The following ZNF454 variants were observed in gnomAD, a reference collection of about 807,000 sequenced individuals.
ZNF454 encodes the protein zinc finger protein 454.
ZNF454 carries 30 observed loss-of-function variants against 48.2 expected under a neutral mutation model. That is an observed-to-expected ratio of 0.62 (90% confidence interval 0.47 to 0.84). The LOEUF is 0.84. Among genes scored for constraint, ZNF454 ranks in the 40% least tolerant of loss-of-function variants. ZNF454 has a pLI of 0.00. For missense variants in ZNF454, 510 were observed against 623.1 expected, an observed-to-expected ratio of 0.82 and a Z score of 1.93; for synonymous variants, 204 against 211.4, an observed-to-expected ratio of 0.97 and a Z score of 0.30.
intron 4 of ZNF454, among the ~76,000 whole-genome samples, chr5:178,948,679 A>C (rs866747361): frequency 2.0e-5 from 3 of 152,170 alleles, no homozygotes; most frequent in Non-Finnish European, 4.4e-5. Context: ...TGGTTTGGGA[A>C]GGGTGATTAG....
rs1403790865 is a variant in ZNF454, at chr5:178,942,960, C to T, written c.33+136C>T. The T allele has an allele frequency of 1.6e-5, 14 of 896,376 alleles. No individual in the cohort carries two copies. The African/African-American group carries it at 2.0e-4, about 13-fold the overall frequency. The allele number at this position is 896,376 out of a possible 1,614,324, so 55.5% of individuals were successfully genotyped here. ...ACCTCAGTTGCCTCTCCCCAACCAA[C>T]ACCCTCCAACCCCGCCCCATATCCG... On this transcript the variant is annotated intron_variant, in intron 2 of 4. Coordinates refer to ENST00000519564, the MANE Select transcript of ZNF454 (RefSeq NM_001178089.3).
the ZNF454 span, chr5:178,981,915 A>T: frequency 2.0e-6 from 2 of 1,001,394 alleles, no homozygotes; most frequent in East Asian, 2.4e-5. This position sits in a 1 kb window ranked among gnomAD's most constrained non-coding sequence, Gnocchi z 5.1. Flanking sequence ...CCCGCTCCAC[A>T]CAGTCCTCAC....
Position 178,965,493 on chromosome 5 carries a change from G to T in ZNF454, c.1089G>T (p.Lys363Asn). 1 of 1,613,586 alleles carries T rather than the reference G, an allele frequency of 6.2e-7. No individual in the cohort carries two copies. The highest frequency in any genetic ancestry group is 1.1e-5 in the South Asian group (1 of 91,040). ...EKPFECNECG[K>N]AFRVNSSLTE... ...CCTTTGAATGTAATGAATGTGGGAA[G>T]GCCTTCAGGGTGAACTCTTCCCTTA... Residue 363 changes from lysine to asparagine, a missense_variant, in exon 5 of 5, where the codon AAG becomes AAT. Around this residue, in one of 3 missense-constraint regions of ZNF454, gnomAD observed 153 missense variants for 195.8 expected, o/e 0.78. Transcript: ENST00000519564. The surrounding 1 kb of genome is among the most constrained non-coding windows in gnomAD (Gnocchi z 5.2).
chr5:178,984,219 C>A, the ZNF454 span, among the ~76,000 whole-genome samples: 1 of 152,154 alleles, frequency 6.6e-6, no homozygotes, highest in Non-Finnish European at 1.5e-5. Context: ...AAATGCAAGC[C>A]CAGGGCTGCA....
chr5:178,963,597 T>G (rs905489367), intron 4 of ZNF454, among the ~76,000 whole-genome samples: 7 of 151,696 alleles, frequency 4.6e-5, no homozygotes, highest in Admixed American at 4.0e-4. Context: ...CCCTTAGTTT[T>G]ACATTTTAGG....
chr5:178,982,886 G>A, the ZNF454 span: 8 of 1,568,212 alleles, frequency 5.1e-6, no homozygotes, highest in African/African-American at 4.0e-5. Flanking sequence ...AACAGGCAGC[G>A]AGACCTCCTG....
rs1327676244 is a variant in ZNF454, at chr5:178,941,306, C to T, written c.-246C>T. ...GAAGAGCGACACGGGGCTGACCAGGCACGGTGGTCAAAGCCGCAGAGGGAG... is the reference window on the plus strand; with the variant it reads ...GAAGAGCGACACGGGGCTGACCAGGTACGGTGGTCAAAGCCGCAGAGGGAG... On this transcript the variant is annotated 5_prime_UTR_variant, in exon 1 of 5. Transcript: ENST00000519564. This position sits in a 1 kb window ranked among gnomAD's most constrained non-coding sequence, Gnocchi z 5.5. The T allele has an allele frequency of 4.5e-6, 2 of 444,346 alleles. No homozygotes were observed. Among genetic ancestry groups the T allele is most frequent in the African/African-American group, 4.0e-5 (2 of 49,982 alleles). The allele number at this position is 444,346 out of a possible 1,614,324, so 27.5% of individuals were successfully genotyped here.
Position 178,949,213 on chromosome 5 carries a change from G to A in ZNF454, c.250+2227G>A, listed in dbSNP as rs75496207. On this transcript the variant is annotated intron_variant, in intron 4 of 4. Transcript: ENST00000519564. ...TTACAGGCGCCTGCCACCTCGCGCA[G>A]CTAATTTTTTGTAGTTTTACTAGAG... Among the ~76,000 whole-genome samples, 384 of 152,088 alleles carry A rather than the reference G, an allele frequency of 2.5e-3. 1 individual carries two copies. The highest frequency in any genetic ancestry group is 8.4e-3 in the African/African-American group (350 of 41,476).
At chr5:178,984,021 C>T in the ZNF454 span, among the ~76,000 whole-genome samples, 1 of 152,204 alleles carries the variant, frequency 6.6e-6, no homozygotes, top group East Asian at 1.9e-4. Context: ...GCTTTGCAGT[C>T]ATCTGCCCAC....
chr5:178,986,015 G>A, the ZNF454 span: 1 of 951,908 alleles, frequency 1.1e-6, no homozygotes, highest in Non-Finnish European at 1.6e-6. Flanking sequence ...ACCCACCTCA[G>A]CCTCCAAAGG....
At chr5:178,968,952 C>G (rs930385493), downstream of ZNF454, 3 of 440,968 alleles carry the variant, frequency 6.8e-6, no homozygotes, top group Non-Finnish European at 1.4e-5. Context: ...ACAGTGCACT[C>G]TCCCTGAGTT....
intron 4 of ZNF454, among the ~76,000 whole-genome samples, chr5:178,960,166 G>T (rs933859103): frequency 1.5e-4 from 22 of 151,072 alleles, no homozygotes; most frequent in African/African-American, 5.3e-4. Flanking sequence ...GCCCAGTCAG[G>T]TCTTGGACTC....
At chr5:178,983,607 G>A in the ZNF454 span, 14 of 397,056 alleles carry the variant, frequency 3.5e-5, no homozygotes, top group Admixed American at 3.0e-4. Context: ...TGGAACTGAG[G>A]CCCTACTCGC....
chr5:178,986,615 G>A, the ZNF454 span: 431 of 1,603,628 alleles, frequency 2.7e-4, no homozygotes, highest in Middle Eastern at 1.3e-3. Context: ...ACCTGGAAGC[G>A]GTACCCGTCA....
Position 178,965,953 on chromosome 5 carries a change from C to T in ZNF454, c.1549C>T (p.His517Tyr). The change falls in exon 5 of 5, where the codon CAT becomes TAT. Residue 517 changes from histidine to tyrosine, a missense_variant. Physicochemically the swap from His to Tyr is moderately conservative, Grantham distance 83. Around this residue, in one of 3 missense-constraint regions of ZNF454, gnomAD observed 153 missense variants for 195.8 expected, o/e 0.78. Transcript: ENST00000519564. This position sits in a 1 kb window ranked among gnomAD's most constrained non-coding sequence, Gnocchi z 5.2. ...QTANLIQHQRHHIGEK is the reference protein window; with the variant it reads ...QTANLIQHQRYHIGEK ...TGCAAACCTCATTCAGCATCAGAGA[C>T]ATCATATTGGAGAGAAGTGATATGA... 6.3e-7 allele frequency: 1 copy of T among 1,584,842 alleles called. No homozygotes were observed. The highest frequency in any genetic ancestry group is 1.2e-5 in the South Asian group (1 of 86,656).
chr5:178,959,444 G>A (rs866272116), intron 4 of ZNF454, among the ~76,000 whole-genome samples: 14 of 152,240 alleles, frequency 9.2e-5, no homozygotes, highest in African/African-American at 3.1e-4. Context: ...ACTTGCTGAC[G>A]TAAATTCTCC....
At chr5:178,985,656 TAGTGC>T in the ZNF454 span, 1 of 387,692 alleles carries the variant, frequency 2.6e-6, no homozygotes, top group African/African-American at 2.3e-5. Context: ...GGAGCTGAGA[TAGTGC>T]CACTGCACTC....
the ZNF454 span, among the ~76,000 whole-genome samples, chr5:178,974,410 TG>T: frequency 2.0e-5 from 3 of 152,090 alleles, no homozygotes; most frequent in African/African-American, 7.2e-5. Context: ...TCTCCGCCTC[TG>T]GGGTTCAAGC....
At chr5:178,961,590 C>T (rs1056827330) in intron 4 of ZNF454, among the ~76,000 whole-genome samples, 3 of 151,410 alleles carry the variant, frequency 2.0e-5, no homozygotes, top group African/African-American at 4.8e-5. Flanking sequence ...CCAAGGCGGG[C>T]GGATTGCCTC....
Sources: gnomAD v4.1 joint callset for allele counts (sites outside exome capture counted in the v4.1 genomes callset) on GRCh38, gnomAD v4.1.1 for gene constraint, gnomAD v4.1.1 regional missense constraint, Gnocchi (gnomAD v3.1) non-coding constraint, MANE v1.5 for transcripts, NCBI Gene and HGNC (gene_info 2026-07-23, HGNC 2026-07-21) for gene names.